The following CLU variants were observed in gnomAD, a reference collection of about 807,000 sequenced individuals.
The protein encoded by CLU is aging-associated protein 4.
A neutral mutation model predicts 46.4 loss-of-function variants in CLU; 25 were observed. That is an observed-to-expected ratio of 0.54 (90% CI 0.39 to 0.75). The LOEUF is 0.75. CLU is among the 30% of genes least tolerant of loss of function. The pLI, the probability that CLU is intolerant of heterozygous loss-of-function variation, is 0.00. For missense variants in CLU, 504 were observed against 592.1 expected, an observed-to-expected ratio of 0.85 and a Z score of 1.54; for synonymous variants, 235 against 235.1, an observed-to-expected ratio of 1.00 and a Z score of 0.00.
intron 4 of CLU, 71 bp from the exon 5 acceptor site, chr8:27,605,406 T>C: frequency 6.4e-7 from 1 of 1,555,264 alleles, no homozygotes. Flanking sequence ...TCCCACCCCC[T>C]GGTGAGCCAG....
intron 1 of CLU, chr8:27,614,023 A>C (rs538327290): frequency 3.3e-5 from 5 of 152,330 alleles, no homozygotes; most frequent in African/African-American, 1.2e-4. Flanking sequence ...TCAGATTATC[A>C]TCTGTAAAAT....
chr8:27,601,303 G>A (rs868209762), intron 6 of CLU, among the ~76,000 whole-genome samples: 2 of 152,146 alleles, frequency 1.3e-5, no homozygotes, highest in Non-Finnish European at 2.9e-5. Flanking sequence ...ACCCACCTCG[G>A]CCTCTCAAGG....
At chr8:27,606,554 A>T in intron 3 of CLU, 30 bp from the exon 4 acceptor site, 1 of 1,613,614 alleles carries the variant, frequency 6.2e-7, no homozygotes, top group Non-Finnish European at 8.5e-7. Context: ...TGGCTGAGCC[A>T]CACAGAGACC....
rs780743354 is a variant in CLU at position 27,605,221 on chromosome 8, C to T, written c.532G>A (p.Asp178Asn). ...QQTHMLDVMQ[D>N]HFSRASSIID... ...ATGCTGGACGCGCGGCTGAAGTGGTCCTGCATGACATCCAGCATGTGCGTC... is the reference window on the plus strand; with the variant it reads ...ATGCTGGACGCGCGGCTGAAGTGGTTCTGCATGACATCCAGCATGTGCGTC... Residue 178 changes from aspartate (D) to asparagine (N), a missense_variant, in exon 5 of 9, where the codon GAC (aspartate) becomes AAC (asparagine). Physicochemically the swap from Asp to Asn is conservative, Grantham distance 23. Transcript: ENST00000316403. 6.2e-7 allele frequency: 1 copy of T among 1,614,182 alleles called. No homozygotes were observed. Among genetic ancestry groups the T allele is most frequent in the Non-Finnish European group, 8.5e-7 (1 of 1,180,032 alleles).
chr8:27,598,416 C>T (rs1299288217), intron 8 of CLU, 44 bp downstream of exon 8: 2 of 1,611,008 alleles, frequency 1.2e-6, no homozygotes, highest in Admixed American at 1.7e-5. Context: ...CTCCCAGAGA[C>T]TCACTGGGCC....
At chr8:27,612,040 G>T in intron 1 of CLU, 1 of 335,172 alleles carries the variant, frequency 3.0e-6, no homozygotes, top group Non-Finnish European at 5.8e-6. Context: ...TGAAGAATGG[G>T]GCAGCCAAAG....
At chr8:27,611,065 C>CA (rs1361200096) in intron 1 of CLU, 3 of 399,060 alleles carry the variant, frequency 7.5e-6, no homozygotes, top group African/African-American at 6.1e-5. Context: ...ACGTCCTCTG[C>CA]AATGTGCACC....
chr8:27,613,382 TC>T (rs1800962971), intron 1 of CLU, among the ~76,000 whole-genome samples: 2 of 101,614 alleles, frequency 2.0e-5, no homozygotes, highest in Admixed American at 2.1e-4. Context: ...TGAGACTTGG[TC>T]TCAGGAAAAA....
chr8:27,603,992 G>A (rs1197345798), intron 6 of CLU, among the ~76,000 whole-genome samples: 4 of 152,216 alleles, frequency 2.6e-5, no homozygotes, highest in African/African-American at 9.6e-5. Context: ...GTCCCAGGGG[G>A]ATGACTTTTT....
At chr8:27,601,253 G>A (rs1350878413) in intron 6 of CLU, among the ~76,000 whole-genome samples, 1 of 152,238 alleles carries the variant, frequency 6.6e-6, no homozygotes, top group Non-Finnish European at 1.5e-5. Flanking sequence ...GTTTCACCAT[G>A]TTGGCTAGGC....
At chr8:27,612,153 G>A (rs1800940724) in intron 1 of CLU, among the ~76,000 whole-genome samples, 1 of 152,158 alleles carries the variant, frequency 6.6e-6, no homozygotes, top group Non-Finnish European at 1.5e-5. Flanking sequence ...CTGGGAAGGA[G>A]GTCGTTCTCT....
intron 2 of CLU, 125 bp from the exon 3 acceptor site, chr8:27,609,211 C>G: frequency 9.7e-7 from 1 of 1,034,264 alleles, no homozygotes. Context: ...GACCCCCACT[C>G]CTGCCAGCAG....
intron 2 of CLU, 123 bp downstream of exon 2, chr8:27,610,352 G>T: frequency 1.2e-6 from 1 of 831,604 alleles, no homozygotes; most frequent in Non-Finnish European, 2.1e-6. Flanking sequence ...CAGACCCAGT[G>T]CACAAGATAA....
chr8:27,602,415 C>A (rs1423976228), intron 6 of CLU, among the ~76,000 whole-genome samples: 2 of 151,992 alleles, frequency 1.3e-5, no homozygotes, highest in African/African-American at 4.8e-5. Context: ...CCAGCTTGGG[C>A]AATGTAGCAA....
Position 27,610,872 on chromosome 8 carries a change from C to A in CLU, c.-29-272G>T, listed in dbSNP as rs1281743851. The A allele has an allele frequency of 1.4e-5, 6 of 436,938 alleles. No individual in the cohort carries two copies. In the Admixed American group the frequency reaches 2.1e-4, roughly 15 times the overall value. The allele number at this position is 436,938 out of a possible 1,614,324, so 27.1% of individuals were successfully genotyped here. A position where few individuals can be genotyped will look rare whatever the true frequency, so the allele number is the denominator to read the frequency against. On this transcript the variant is annotated intron_variant, in intron 1 of 8. Coordinates refer to ENST00000316403, the MANE Select transcript of CLU (RefSeq NM_001831.4). Reference sequence around the variant, plus strand: ...AACAAGAACCCTGGCATCGGAGGAACCAGGCTCTTGTCCAAGCCACATCCT... The same window carrying A: ...AACAAGAACCCTGGCATCGGAGGAAACAGGCTCTTGTCCAAGCCACATCCT...
intron 6 of CLU, among the ~76,000 whole-genome samples, chr8:27,600,964 C>T (rs1349412939): frequency 1.3e-5 from 2 of 152,182 alleles, no homozygotes. Flanking sequence ...AATAAATGAT[C>T]TCTGGGCCCG....
In CLU at chr8:27,598,269, A is replaced by T. The variant is rs747793563; in HGVS notation, c.1341-19T>A. The T allele has an allele frequency of 6.2e-7, 1 of 1,613,768 alleles. No homozygotes were observed. The highest frequency in any genetic ancestry group is 1.1e-5 in the South Asian group (1 of 91,050). ...CTCCTCCCTGAAATAAAAAACAGTT[A>T]TCCTCCAAAGTAAAACATCCTCCAA... On this transcript the variant is annotated intron_variant, in intron 8 of 8. Transcript: ENST00000316403.
intron 1 of CLU, chr8:27,614,377 G>A: frequency 4.6e-6 from 1 of 215,564 alleles, no homozygotes; most frequent in Non-Finnish European, 9.3e-6. Context: ...CCATCTTTGC[G>A]AAAGGATGAT....
At position 27,611,651 on chromosome 8, in the gene CLU, T is replaced by C. The variant is rs149052354; in HGVS notation, c.-29-1051A>G. On this transcript the variant is annotated intron_variant, in intron 1 of 8. Transcript: ENST00000316403. ...GACGATGGGGTTCCCCTTCCTGAAA[T>C]GGTTCACATCCAAAGCCCGCTCAGC... is the stretch of plus-strand genomic sequence containing the variant. 1.1e-3 allele frequency: 496 copies of C among 457,316 alleles called. 1 individual carries two copies. Among genetic ancestry groups the C allele is most frequent in the Non-Finnish European group, 1.8e-3 (411 of 226,910 alleles). The allele number at this position is 457,316 out of a possible 1,614,324, so 28.3% of individuals were successfully genotyped here.
Sources: gnomAD v4.1 joint callset for allele counts (sites outside exome capture counted in the v4.1 genomes callset) on GRCh38, gnomAD v4.1.1 for gene constraint, MANE v1.5 for transcripts, NCBI Gene and HGNC (gene_info 2026-07-23, HGNC 2026-07-21) for gene names.